The following ARID5B variants were observed in gnomAD, a reference collection of about 807,000 sequenced individuals.
ARID5B encodes the protein AT-rich interaction domain 5B, also known as AT-rich interactive domain-containing protein 5B.
In ARID5B, 13 loss-of-function variants were observed where a neutral mutation model predicts 97.2. The observed-to-expected ratio is 0.13, with a 90% CI of 0.09 to 0.21. The LOEUF (loss-of-function observed/expected upper bound fraction) is 0.21, where lower values mean the gene tolerates loss of function less well. ARID5B is among the 10% of genes least tolerant of loss of function. ARID5B has a pLI of 1.00. For missense variants in ARID5B, 1,210 were observed against 1,465.3 expected (o/e 0.83, Z 2.84); for synonymous variants, 556 against 570.3 (o/e 0.97, Z 0.36).
intron 2 of ARID5B, among the ~76,000 whole-genome samples, chr10:61,922,047 A>T (rs902601805): frequency 2.0e-5 from 3 of 151,896 alleles, no homozygotes; most frequent in Non-Finnish European, 4.4e-5. Context: ...CCTCCCAAAT[A>T]TCTCCCCGCT....
chr10:61,936,680 C>T (rs1844306260), intron 2 of ARID5B, among the ~76,000 whole-genome samples: 1 of 152,098 alleles, frequency 6.6e-6, no homozygotes, highest in Non-Finnish European at 1.5e-5. Flanking sequence ...ATCATCTCTG[C>T]ATGCCACGGT....
At chr10:62,017,902 AAAGT>A (rs1335018247) in intron 4 of ARID5B, among the ~76,000 whole-genome samples, 1 of 152,222 alleles carries the variant, frequency 6.6e-6, no homozygotes. Flanking sequence ...CTATTTAGAG[AAAGT>A]AAGGTTTGTG....
intron 8 of ARID5B, among the ~76,000 whole-genome samples, chr10:62,079,539 T>C (rs1840182093): frequency 6.6e-6 from 1 of 152,200 alleles, no homozygotes; most frequent in Non-Finnish European, 1.5e-5. Context: ...CCACCTTGCT[T>C]CTAACACAGT....
intron 2 of ARID5B, among the ~76,000 whole-genome samples, chr10:61,927,542 T>TG (rs1190818686): frequency 6.6e-6 from 1 of 152,156 alleles, no homozygotes; most frequent in East Asian, 1.9e-4. Flanking sequence ...CTTGGCTCTT[T>TG]GGGAAGTACA....
intron 3 of ARID5B, among the ~76,000 whole-genome samples, chr10:61,992,670 G>A (rs1312343178): frequency 1.3e-5 from 2 of 151,984 alleles, no homozygotes; most frequent in African/African-American, 4.8e-5. Flanking sequence ...TTTCCATTTA[G>A]CAAAACAAAT....
chr10:61,958,433 G>C (rs1417535060), intron 3 of ARID5B, among the ~76,000 whole-genome samples: 1 of 151,388 alleles, frequency 6.6e-6, no homozygotes, highest in African/African-American at 2.4e-5. Flanking sequence ...TCACCATCTT[G>C]GCCAGGCTGG....
chr10:61,970,300 A>G (rs538234082), intron 3 of ARID5B, among the ~76,000 whole-genome samples: 53 of 152,376 alleles, frequency 3.5e-4, no homozygotes, highest in South Asian at 2.3e-3. Context: ...AGCCTTTGGC[A>G]TATGGTCTTT....
intron 3 of ARID5B, among the ~76,000 whole-genome samples, chr10:61,984,237 A>G (rs749808949): frequency 6.6e-6 from 1 of 152,106 alleles, no homozygotes; most frequent in Non-Finnish European, 1.5e-5. Flanking sequence ...CTGGAGTCTC[A>G]TCTGTTTTCT....
intron 2 of ARID5B, among the ~76,000 whole-genome samples, chr10:61,917,660 C>G (rs2132765991): frequency 6.6e-6 from 1 of 152,316 alleles, no homozygotes; most frequent in Middle Eastern, 3.4e-3. Context: ...TAGAGCAAAG[C>G]TTTGGACTAT....
intron 3 of ARID5B, among the ~76,000 whole-genome samples, chr10:61,993,255 C>T (rs1332824417): frequency 6.6e-6 from 1 of 151,966 alleles, no homozygotes; most frequent in Non-Finnish European, 1.5e-5. Flanking sequence ...AAGTTTACTA[C>T]CTTAAGAGAG....
At chr10:62,064,223 C>T (rs945752505) in intron 7 of ARID5B, among the ~76,000 whole-genome samples, 2 of 152,200 alleles carry the variant, frequency 1.3e-5, no homozygotes, top group Non-Finnish European at 2.9e-5. Flanking sequence ...GGCAAAGCCT[C>T]TCGCTTAAAT....
At chr10:61,943,283 T>C (rs1027775470) in intron 3 of ARID5B, among the ~76,000 whole-genome samples, 2 of 152,222 alleles carry the variant, frequency 1.3e-5, no homozygotes, top group Non-Finnish European at 2.9e-5. Flanking sequence ...AAATATTTGT[T>C]GTCTGTACTT....
chr10:61,917,730 C>T (rs768050207), intron 2 of ARID5B, among the ~76,000 whole-genome samples: 5 of 152,122 alleles, frequency 3.3e-5, no homozygotes, highest in Admixed American at 6.6e-5. Context: ...CAAAAAGAAC[C>T]GTTGGTCCCA....
intron 8 of ARID5B, among the ~76,000 whole-genome samples, chr10:62,079,978 T>C (rs1361533947): frequency 1.3e-5 from 2 of 152,222 alleles, no homozygotes; most frequent in South Asian, 2.1e-4. Flanking sequence ...ATGCTAGTTA[T>C]ACCTACCTCA....
rs181424616 is a variant in ARID5B, at chr10:61,946,374, G to T, written c.502+5966G>T. On this transcript the variant is annotated intron_variant, in intron 3 of 9. Coordinates refer to ENST00000279873, the MANE Select transcript of ARID5B (RefSeq NM_032199.3). Reference sequence around the variant, plus strand: ...TGCTAAATGCAGACATCTTGTCATAGAGACTTTTCACTGCTAATGAATTTA... The same window carrying T: ...TGCTAAATGCAGACATCTTGTCATATAGACTTTTCACTGCTAATGAATTTA... Among the ~76,000 whole-genome samples the T allele has an allele frequency of 1.7e-3, 256 of 152,252 alleles. 2 individuals are homozygous for T. Among genetic ancestry groups the T allele is most frequent in the African/African-American group, 5.8e-3 (240 of 41,566 alleles).
intron 4 of ARID5B, among the ~76,000 whole-genome samples, chr10:62,008,054 G>A (rs992855637): frequency 3.6e-4 from 4 of 11,038 alleles, no homozygotes; most frequent in Non-Finnish European, 4.2e-4. Flanking sequence ...CACCTCCCCC[G>A]CCCCACAACA....
intron 8 of ARID5B, among the ~76,000 whole-genome samples, chr10:62,078,600 T>A (rs1398456951): frequency 6.6e-6 from 1 of 152,214 alleles, no homozygotes; most frequent in Non-Finnish European, 1.5e-5. Context: ...TGGCTGGCAT[T>A]GTAGAGGGCT....
In ARID5B at chr10:61,977,690, C is replaced by G. The variant is rs182789679; in HGVS notation, c.503-22401C>G. Among the ~76,000 whole-genome samples the G allele has an allele frequency of 6.0e-3, 910 of 152,252 alleles. 6 individuals are homozygous for G. The highest frequency in any genetic ancestry group is 0.021 in the African/African-American group (854 of 41,534). Reference sequence around the variant, plus strand: ...AGTGTCTGTTCATATCCTTTGCCCACTTTTTGATGGGGTTGTTTGTTTTTT... The same window carrying G: ...AGTGTCTGTTCATATCCTTTGCCCAGTTTTTGATGGGGTTGTTTGTTTTTT... On this transcript the variant is annotated intron_variant, in intron 3 of 9. Transcript: ENST00000279873.
intron 3 of ARID5B, among the ~76,000 whole-genome samples, chr10:61,964,611 T>C (rs1449743229): frequency 6.6e-6 from 1 of 152,194 alleles, no homozygotes; most frequent in Non-Finnish European, 1.5e-5. Context: ...TGGAATACTC[T>C]GAGAAGAAAA....
Sources: gnomAD v4.1 joint callset for allele counts (sites outside exome capture counted in the v4.1 genomes callset) on GRCh38, gnomAD v4.1.1 for gene constraint, MANE v1.5 for transcripts, NCBI Gene and HGNC (gene_info 2026-07-23, HGNC 2026-07-21) for gene names.